Variants in UNC79 observed in about 807,000 individuals in gnomAD.
UNC79 encodes protein unc-79 homolog.
UNC79 carries 37 observed loss-of-function variants against 283.1 expected under a neutral mutation model. The observed-to-expected ratio is 0.13, with a 90% CI of 0.10 to 0.17. UNC79 has a LOEUF of 0.17. Among genes scored for constraint, UNC79 ranks in the 10% least tolerant of loss-of-function variants. The probability of loss-of-function intolerance (pLI) is 1.00; values close to 1 mark genes in which losing one functional copy is unlikely to be tolerated. For missense variants in UNC79, 2,272 were observed against 3,211.1 expected, an observed-to-expected ratio of 0.71 and a Z score of 7.07; for synonymous variants, 1,107 against 1,200.2, an observed-to-expected ratio of 0.92 and a Z score of 1.61.
chr14:93,560,262 G>A (rs2062461946), intron 14 of UNC79, among the ~76,000 whole-genome samples: 1 of 152,172 alleles, frequency 6.6e-6, no homozygotes, highest in African/African-American at 2.4e-5. Flanking sequence ...GAGTTTTGGG[G>A]CTCTATCCTT....
chr14:93,644,277 C>G lies in UNC79; in HGVS notation c.6044+580C>G, dbSNP rs565089088. ...TGAGGGTGTTCATGCTAAGAAAATT[C>G]TATTTAGTAGATAGGACATTAGAAG... On this transcript the variant is annotated intron_variant, in intron 34 of 48. Transcript: ENST00000555664. Among the ~76,000 whole-genome samples the G allele has an allele frequency of 4.6e-5, 7 of 152,238 alleles. No individual in the cohort carries two copies. In the Middle Eastern group the frequency reaches 0.01, roughly 222 times the overall value.
At chr14:93,439,562 A>G (rs1352634251) in intron 1 of UNC79, among the ~76,000 whole-genome samples, 1 of 151,996 alleles carries the variant, frequency 6.6e-6, no homozygotes, top group Non-Finnish European at 1.5e-5. Flanking sequence ...TGGGGGGTAG[A>G]GTGGGAAGTA....
intron 1 of UNC79, among the ~76,000 whole-genome samples, chr14:93,410,821 C>A (rs2055319449): frequency 1.3e-5 from 2 of 152,166 alleles, no homozygotes; most frequent in Non-Finnish European, 2.9e-5. Context: ...AGGAAATACA[C>A]TGTGGGCCGT....
intron 47 of UNC79, among the ~76,000 whole-genome samples, chr14:93,701,197 G>A (rs767637202): frequency 6.6e-6 from 1 of 152,190 alleles, no homozygotes; most frequent in African/African-American, 2.4e-5. Context: ...GACTCACCTG[G>A]TTTGTTTCCT....
chr14:93,413,940 T>A (rs1190900710), intron 1 of UNC79, among the ~76,000 whole-genome samples: 7 of 146,456 alleles, frequency 4.8e-5, no homozygotes, highest in Admixed American at 4.2e-4. Context: ...CTTTGTCAGA[T>A]GAGTAGGTTG....
chr14:93,607,546 C>T (rs1272796668), intron 26 of UNC79, among the ~76,000 whole-genome samples: 4 of 152,158 alleles, frequency 2.6e-5, no homozygotes, highest in East Asian at 1.9e-4. Flanking sequence ...CCCTGTGGGA[C>T]GTGAGGACAC....
chr14:93,588,169 A>C (rs900924222), intron 22 of UNC79, among the ~76,000 whole-genome samples: 1 of 152,148 alleles, frequency 6.6e-6, no homozygotes, highest in African/African-American at 2.4e-5. Context: ...CCAAGTATGA[A>C]GGGCCTTGAA....
chr14:93,433,150 T>C (rs895182332), intron 1 of UNC79, among the ~76,000 whole-genome samples: 1 of 152,192 alleles, frequency 6.6e-6, no homozygotes, highest in African/African-American at 2.4e-5. Context: ...ATTAACTTAA[T>C]AGTTTTGTGC....
intron 35 of UNC79, among the ~76,000 whole-genome samples, chr14:93,646,860 T>TA (rs890865397): frequency 2.6e-5 from 4 of 151,768 alleles, no homozygotes; most frequent in South Asian, 2.1e-4. Context: ...AAATAAAAAA[T>TA]AAAAAAAATA....
At chr14:93,523,220 C>T (rs964379021) in intron 7 of UNC79, among the ~76,000 whole-genome samples, 1 of 152,134 alleles carries the variant, frequency 6.6e-6, no homozygotes, top group African/African-American at 2.4e-5. Flanking sequence ...TGACTTATTA[C>T]AGGTCACTTG....
At chr14:93,497,507 C>T (rs1432594120) in intron 7 of UNC79, among the ~76,000 whole-genome samples, 2 of 152,306 alleles carry the variant, frequency 1.3e-5, no homozygotes, top group East Asian at 3.9e-4. Context: ...AAGTCTCAGT[C>T]CCATTTGCTG....
intron 6 of UNC79, 68 bp downstream of exon 6, chr14:93,496,534 A>C (rs2059020241): frequency 9.1e-7 from 1 of 1,102,186 alleles, no homozygotes; most frequent in African/African-American, 1.6e-5. Flanking sequence ...AAAACTGTTT[A>C]CGTATTAAAA....
chr14:93,466,218 A>G (rs1236928681), intron 1 of UNC79, among the ~76,000 whole-genome samples: 1 of 152,242 alleles, frequency 6.6e-6, no homozygotes, highest in East Asian at 1.9e-4. Flanking sequence ...TGCTAACCAT[A>G]TTATGGAAAT....
chr14:93,534,565 C>G (rs2060980310), intron 11 of UNC79, among the ~76,000 whole-genome samples: 2 of 152,170 alleles, frequency 1.3e-5, no homozygotes, highest in South Asian at 4.1e-4. Context: ...ATTAGAAGCC[C>G]TGTTATAGCT....
rs958039746 is a variant in UNC79, at chr14:93,633,329, G to A, written c.5716+2421G>A. Among the ~76,000 whole-genome samples, 30 of 152,078 alleles carry A rather than the reference G, an allele frequency of 2.0e-4. 1 individual carries two copies. Among genetic ancestry groups the A allele is most frequent in the African/African-American group, 5.8e-4 (24 of 41,416 alleles). On this transcript the variant is annotated intron_variant, in intron 31 of 48. Coordinates refer to ENST00000555664, the Ensembl canonical transcript of UNC79. ...GATCAGTTTATCAGCTGGTTATTTC[G>A]TAGCTAAACGTGTTGTGACCACCAT...
intron 1 of UNC79, among the ~76,000 whole-genome samples, chr14:93,367,725 T>G (rs536688540): frequency 1.3e-5 from 2 of 152,346 alleles, no homozygotes; most frequent in East Asian, 3.9e-4. Flanking sequence ...GTCCCTTGTC[T>G]TGGGAAGCCC....
chr14:93,426,038 T>C (rs1229500717), upstream of UNC79, among the ~76,000 whole-genome samples: 2 of 152,210 alleles, frequency 1.3e-5, no homozygotes, highest in African/African-American at 4.8e-5. Flanking sequence ...CTCTTCCATC[T>C]GAAAATATTT....
At chr14:93,582,551 TGGCAGCG>T (rs1360863055) in intron 20 of UNC79, among the ~76,000 whole-genome samples, 2 of 152,208 alleles carry the variant, frequency 1.3e-5, no homozygotes, top group Non-Finnish European at 2.9e-5. Context: ...AGCATCTTTC[TGGCAGCG>T]GGCACCGGTT....
chr14:93,466,892 GA>G, intron 1 of UNC79: 1 of 985,396 alleles, frequency 1.0e-6, no homozygotes. Context: ...CAATGCTGGT[GA>G]CTCCAGGTAG....
Sources: gnomAD v4.1 joint callset for allele counts (sites outside exome capture counted in the v4.1 genomes callset) on GRCh38, gnomAD v4.1.1 for gene constraint, MANE v1.5 for transcripts, NCBI Gene and HGNC (gene_info 2026-07-23, HGNC 2026-07-21) for gene names.